The following BCL2 variants were observed in gnomAD, a reference collection of about 807,000 sequenced individuals.
The protein encoded by BCL2 is BCL2 apoptosis regulator.
Under a neutral mutation model 14.2 loss-of-function variants are expected in BCL2, and 1 was observed. The observed-to-expected ratio is 0.07, with a 90% confidence interval of 0.02 to 0.33. BCL2 has a LOEUF of 0.33. Among genes scored for constraint, BCL2 ranks in the 10% least tolerant of loss-of-function variants. The pLI is 0.99. For synonymous variants in BCL2, 151 were observed against 137.2 expected (o/e 1.10, Z -0.70); for missense variants, 247 against 305.9 (o/e 0.81, Z 1.44).
rs1253362020 is a variant in BCL2, at chr18:63,125,228, G to T, written c.*3397C>A. On this transcript the variant is annotated 3_prime_UTR_variant, in exon 3 of 3. Transcript: ENST00000333681. ...AAATGGAAGGCCACATCTGAACACA[G>T]AGAGGTAAGTGAGCTGTGGAGAGAA... 8.8e-6 allele frequency: 2 copies of T among 226,088 alleles called. No individual in the cohort carries two copies. The highest frequency in any genetic ancestry group is 4.5e-5 in the African/African-American group (2 of 44,904). 14.0% of individuals were successfully genotyped at this position (226,088 alleles called of 1,614,324 possible). A position where few individuals can be genotyped will look rare whatever the true frequency, so the allele number is the denominator to read the frequency against.
At chr18:63,296,827 C>T (rs139599935) in intron 2 of BCL2, among the ~76,000 whole-genome samples, 57 of 152,334 alleles carry the variant, frequency 3.7e-4, no homozygotes, top group African/African-American at 1.3e-3. Flanking sequence ...TTCTATCCTC[C>T]TATATAGTAA....
At chr18:63,194,859 G>A (rs150974170) in intron 2 of BCL2, among the ~76,000 whole-genome samples, 64 of 152,338 alleles carry the variant, frequency 4.2e-4, no homozygotes, top group Non-Finnish European at 7.5e-4. Flanking sequence ...GAACCATGGC[G>A]TATAAGGCTT....
intron 2 of BCL2, among the ~76,000 whole-genome samples, chr18:63,176,774 T>G (rs77968029): frequency 6.6e-6 from 1 of 152,210 alleles, no homozygotes; most frequent in Non-Finnish European, 1.5e-5. Flanking sequence ...TTGAAATATA[T>G]AATAAATTGC....
At chr18:63,310,591 T>C (rs1913283200) in intron 2 of BCL2, among the ~76,000 whole-genome samples, 1 of 152,220 alleles carries the variant, frequency 6.6e-6, no homozygotes, top group South Asian at 2.1e-4. Context: ...AAAGTTATCT[T>C]AGACATTTTT....
intron 2 of BCL2, among the ~76,000 whole-genome samples, chr18:63,194,245 C>T (rs1186187859): frequency 6.6e-6 from 1 of 152,082 alleles, no homozygotes; most frequent in Non-Finnish European, 1.5e-5. Context: ...GGAAGTTACA[C>T]TGGAATGAGG....
At chr18:63,187,430 T>C (rs938859023) in intron 2 of BCL2, among the ~76,000 whole-genome samples, 1 of 152,216 alleles carries the variant, frequency 6.6e-6, no homozygotes, top group African/African-American at 2.4e-5. Flanking sequence ...TGCCGTTCTC[T>C]CTACCTAGAT....
At chr18:63,304,389 C>T (rs1913058379) in intron 2 of BCL2, among the ~76,000 whole-genome samples, 1 of 152,112 alleles carries the variant, frequency 6.6e-6, no homozygotes, top group Non-Finnish European at 1.5e-5. Context: ...ATGAAGGCTC[C>T]ACCATTTTCA....
intron 2 of BCL2, among the ~76,000 whole-genome samples, chr18:63,186,201 T>C (rs1188790549): frequency 6.6e-6 from 1 of 152,220 alleles, no homozygotes; most frequent in Non-Finnish European, 1.5e-5. Context: ...GAGCATGCTA[T>C]CTATTTATAC....
At chr18:63,139,960 G>C (rs572529934) in intron 2 of BCL2, among the ~76,000 whole-genome samples, 1 of 152,104 alleles carries the variant, frequency 6.6e-6, no homozygotes, top group African/African-American at 2.4e-5. Context: ...CAATAAAAAC[G>C]TAAGTAGCTA....
At chr18:63,236,693 C>A (rs1910841401) in intron 2 of BCL2, among the ~76,000 whole-genome samples, 2 of 152,070 alleles carry the variant, frequency 1.3e-5, no homozygotes, top group South Asian at 4.2e-4. Context: ...CCATTCACTG[C>A]GCATCTGCCG....
chr18:63,258,572 G>C (rs1333588288), intron 2 of BCL2, among the ~76,000 whole-genome samples: 1 of 152,154 alleles, frequency 6.6e-6, no homozygotes, highest in African/African-American at 2.4e-5. Context: ...ACAAAACCTG[G>C]CCAGCTTTCT....
chr18:63,172,739 C>A (rs1204932005), intron 2 of BCL2, among the ~76,000 whole-genome samples: 3 of 152,130 alleles, frequency 2.0e-5, no homozygotes, highest in Non-Finnish European at 2.9e-5. Flanking sequence ...CGAGATCGTG[C>A]CACTGCACTC....
chr18:63,139,471 G>A (rs1310965179), intron 2 of BCL2, among the ~76,000 whole-genome samples: 2 of 152,158 alleles, frequency 1.3e-5, no homozygotes, highest in East Asian at 1.9e-4. Flanking sequence ...TAAGACACAT[G>A]CCCTGCCCTA....
chr18:63,227,699 A>G (rs1390625517), intron 2 of BCL2, among the ~76,000 whole-genome samples: 1 of 152,270 alleles, frequency 6.6e-6, no homozygotes, highest in African/African-American at 2.4e-5. Context: ...AGTGAATTCC[A>G]AATATATGAG....
intron 2 of BCL2, among the ~76,000 whole-genome samples, chr18:63,241,530 G>C (rs2144192848): frequency 6.6e-6 from 1 of 152,286 alleles, no homozygotes; most frequent in East Asian, 1.9e-4. Flanking sequence ...CTGGTGCTAG[G>C]TCATGCTGAA....
chr18:63,292,269 A>G (rs779399431), intron 2 of BCL2, among the ~76,000 whole-genome samples: 17 of 151,540 alleles, frequency 1.1e-4, no homozygotes, highest in Admixed American at 2.0e-4. Flanking sequence ...CAAAAGATTC[A>G]TATGTGCAGG....
At chr18:63,249,930 T>C (rs1911261183) in intron 2 of BCL2, among the ~76,000 whole-genome samples, 1 of 152,088 alleles carries the variant, frequency 6.6e-6, no homozygotes, top group Non-Finnish European at 1.5e-5. Context: ...AAGCCAGTGC[T>C]GTGGAGTACC....
intron 2 of BCL2, among the ~76,000 whole-genome samples, chr18:63,177,637 G>A (rs967445201): frequency 1.3e-5 from 2 of 152,270 alleles, no homozygotes; most frequent in African/African-American, 4.8e-5. Context: ...GAGGCACCTA[G>A]CACAAGGTGT....
At chr18:63,151,122 T>G (rs1216660484) in intron 2 of BCL2, 1 of 152,184 alleles carries the variant, frequency 6.6e-6, no homozygotes, top group African/African-American at 2.4e-5. Context: ...TCTTGTGTTT[T>G]TTTCTATAAT....
Sources: gnomAD v4.1 joint callset for allele counts (sites outside exome capture counted in the v4.1 genomes callset) on GRCh38, gnomAD v4.1.1 for gene constraint, MANE v1.5 for transcripts, NCBI Gene and HGNC (gene_info 2026-07-23, HGNC 2026-07-21) for gene names.